Variants in RPL7L1 observed in about 807,000 individuals in gnomAD.
RPL7L1 encodes ribosomal protein uL30-like.
RPL7L1 carries 20 observed loss-of-function variants against 30.3 expected under a neutral mutation model. The ratio of observed to expected loss-of-function variants is 0.66; its 90% confidence interval spans 0.46 to 0.96. RPL7L1 has a LOEUF of 0.96. RPL7L1 is among the 40% of genes least tolerant of loss of function. The probability of loss-of-function intolerance (pLI) is 0.00; values close to 1 mark genes in which losing one functional copy is unlikely to be tolerated. For synonymous variants in RPL7L1, 107 were observed against 110.1 expected (o/e 0.97, Z 0.18); for missense variants, 271 against 314.9 (o/e 0.86, Z 1.05).
intron 1 of RPL7L1, among the ~76,000 whole-genome samples, chr6:42,880,296 A>G (rs1163187786): frequency 1.3e-5 from 2 of 152,082 alleles, no homozygotes. Context: ...GTGGCCGTGA[A>G]AACCCTGTTA....
chr6:42,885,685 G>T, intron 4 of RPL7L1: 1 of 319,510 alleles, frequency 3.1e-6, no homozygotes, highest in East Asian at 6.0e-5. Flanking sequence ...CAGAGTCGTA[G>T]CCCCTAAGGT....
intron 2 of RPL7L1, chr6:42,881,721 C>G (rs1766087560): frequency 6.6e-6 from 1 of 150,494 alleles, no homozygotes; most frequent in Non-Finnish European, 1.5e-5. Context: ...CAAGCATGCG[C>G]CACCACACCT....
rs1039659311 is a variant in RPL7L1, at chr6:42,879,637, A to C, written c.-274A>C. 6 of 347,300 alleles carry C rather than the reference A, an allele frequency of 1.7e-5. No homozygotes were observed. Among genetic ancestry groups the C allele is most frequent in the Non-Finnish European group, 1.7e-5 (3 of 179,252 alleles). 21.5% of individuals were successfully genotyped at this position (347,300 alleles called of 1,614,324 possible). A position where few individuals can be genotyped will look rare whatever the true frequency, so the allele number is the denominator to read the frequency against. ...CGCCGTAGCTAGGAGCGGACGCCAT[A>C]GGTGCATTGTGGGAAGCACTTTGCT... On this transcript the variant is annotated 5_prime_UTR_variant, in exon 1 of 6. Coordinates refer to ENST00000493763, the MANE Select transcript of RPL7L1 (RefSeq NM_001366481.3).
chr6:42,883,389 T>C, intron 2 of RPL7L1, 62 bp from the exon 3 acceptor site: 1 of 1,343,832 alleles, frequency 7.4e-7, no homozygotes, highest in Non-Finnish European at 1.0e-6. Flanking sequence ...TATGAATTAC[T>C]GTTCTAAAAG....
At chr6:42,882,092 G>A (rs1677147750) in intron 2 of RPL7L1, 1 of 151,764 alleles carries the variant, frequency 6.6e-6, no homozygotes, top group Non-Finnish European at 1.5e-5. Flanking sequence ...TAGTAGAGAT[G>A]TTTTGACATG....
intron 4 of RPL7L1, among the ~76,000 whole-genome samples, chr6:42,885,280 G>A (rs1211259824): frequency 2.0e-5 from 3 of 150,970 alleles, no homozygotes; most frequent in Non-Finnish European, 4.4e-5. Context: ...AATCCATGAG[G>A]CAGAGGTTGC....
rs1445868424 is a variant in RPL7L1, at chr6:42,886,337, T to A, written c.641T>A (p.Phe214Tyr). The A allele has an allele frequency of 2.5e-6, 4 of 1,607,466 alleles. No homozygotes were observed. Among genetic ancestry groups the A allele is most frequent in the Non-Finnish European group, 3.4e-6 (4 of 1,179,804 alleles). The change falls in exon 6 of 6, where the codon TTC becomes TAC. Residue 214 changes from phenylalanine (F) to tyrosine (Y), a missense_variant. Transcript: ENST00000493763. ...AAGCATTTCCAGGAGATCTCATGGT[T>A]CTTGTGCCCTTTCCACCTCTCAGTG... ...PGKHFQEISW[F>Y]LCPFHLSVAR...
chr6:42,885,183 A>G (rs2114085339), intron 4 of RPL7L1, among the ~76,000 whole-genome samples: 1 of 151,948 alleles, frequency 6.6e-6, no homozygotes, highest in Non-Finnish European at 1.5e-5. Context: ...CCCTGTCTCT[A>G]CTAAAATACA....
chr6:42,880,986 A>G lies in RPL7L1; in HGVS notation c.147+20A>G. ...AAGGAGGTAATGGTGGGGAACCAAG[A>G]GAAAGTAATTAGAATTTTTATTTGG... On this transcript the variant is annotated intron_variant, in intron 2 of 5. Coordinates refer to ENST00000493763, the MANE Select transcript of RPL7L1 (RefSeq NM_001366481.3). 1 of 1,275,728 alleles carries G rather than the reference A, an allele frequency of 7.8e-7. No homozygotes were observed. The allele number at this position is 1,275,728 out of a possible 1,614,324, so 79.0% of individuals were successfully genotyped here.
chr6:42,880,256 A>T lies in RPL7L1; in HGVS notation c.41+305A>T, dbSNP rs568971029. 3.3e-5 allele frequency among the ~76,000 whole-genome samples: 5 copies of T among 152,228 alleles called. No individual in the cohort carries two copies. The East Asian group carries it at 9.6e-4, about 29-fold the overall frequency. On this transcript the variant is annotated intron_variant, in intron 1 of 5. Transcript: ENST00000493763. The stretch of plus-strand genomic sequence containing the variant: ...GCCTGCCCCCGCCCCAACCCCATAG[A>T]TTCGTCGCTGCTAGTGCCTATGAAG...
rs555570728 is a variant in RPL7L1 at position 42,880,250 on chromosome 6, C to T, written c.41+299C>T. On this transcript the variant is annotated intron_variant, in intron 1 of 5. Coordinates refer to ENST00000493763, the MANE Select transcript of RPL7L1 (RefSeq NM_001366481.3). ...AGATAGGCCTGCCCCCGCCCCAACC[C>T]CATAGATTCGTCGCTGCTAGTGCCT... Among the ~76,000 whole-genome samples, 7 of 152,272 alleles carry T rather than the reference C, an allele frequency of 4.6e-5. No individual in the cohort carries two copies. The South Asian group carries it at 1.5e-3, about 32-fold the overall frequency.
intron 4 of RPL7L1, 111 bp from the exon 5 acceptor site, chr6:42,885,863 T>C (rs1195519584): frequency 6.0e-6 from 4 of 663,864 alleles, no homozygotes; most frequent in East Asian, 5.2e-5. Flanking sequence ...CACTTGCTCG[T>C]TGGGAGAAGT....
At chr6:42,881,334 A>G (rs1766072597) in intron 2 of RPL7L1, 3 of 156,776 alleles carry the variant, frequency 1.9e-5, no homozygotes, top group South Asian at 1.6e-4. Context: ...GCATGGTGGC[A>G]GGCTCCTGTA....
rs778300981 is a variant in RPL7L1 at position 42,884,660 on chromosome 6, G to A, written c.359G>A (p.Arg120His). The A allele has an allele frequency of 2.9e-5, 46 of 1,613,692 alleles. No homozygotes were observed. Among genetic ancestry groups the A allele is most frequent in the Admixed American group, 6.7e-5 (4 of 60,000 alleles). ...LLVQRTIARL[R>H]LKKIFSGVFV... ...GTGCAGAGAACCATTGCAAGACTTC[G>A]CCTAAAGAAAATTTTTAGTGGTGTC... Residue 120 changes from arginine to histidine, a missense_variant, in exon 4 of 6, where the codon CGC becomes CAC. Arg to His is a conservative substitution (Grantham distance 29). Transcript: ENST00000493763.
intron 4 of RPL7L1, chr6:42,885,579 A>G (rs1766236186): frequency 6.0e-6 from 1 of 166,998 alleles, no homozygotes; most frequent in African/African-American, 2.4e-5. Context: ...CTCAAAAAAA[A>G]AAAAAGAGTA....
intron 2 of RPL7L1, chr6:42,883,060 T>C (rs556699804): frequency 1.2e-4 from 20 of 164,630 alleles, no homozygotes; most frequent in Non-Finnish European, 6.6e-5. Context: ...AGCTACTGTA[T>C]GTGCTCCTCC....
At chr6:42,881,194 G>C (rs1027717331) in intron 2 of RPL7L1, 2 of 338,884 alleles carry the variant, frequency 5.9e-6, no homozygotes, top group African/African-American at 4.5e-5. Context: ...GGCCGGGCGC[G>C]GTGGCTCACG....
chr6:42,882,771 T>G (rs1363013761), intron 2 of RPL7L1: 1 of 151,842 alleles, frequency 6.6e-6, no homozygotes, highest in African/African-American at 2.4e-5. Flanking sequence ...CCGGGTGTGG[T>G]GGCGCATGCC....
At chr6:42,886,175 C>T (rs1436264298) in intron 5 of RPL7L1, 81 bp from the exon 6 acceptor site, 4 of 1,455,728 alleles carry the variant, frequency 2.7e-6, no homozygotes, top group East Asian at 4.5e-5. Flanking sequence ...TCTTGGGGCC[C>T]CAAGAGTCTG....
Sources: gnomAD v4.1 joint callset for allele counts (sites outside exome capture counted in the v4.1 genomes callset) on GRCh38, gnomAD v4.1.1 for gene constraint, MANE v1.5 for transcripts, NCBI Gene and HGNC (gene_info 2026-07-23, HGNC 2026-07-21) for gene names.